Variants in FLI1 observed in about 807,000 individuals in gnomAD.
FLI1 encodes Friend leukemia integration 1 transcription factor.
Under a neutral mutation model 53.1 loss-of-function variants are expected in FLI1, and 13 were observed. The observed-to-expected ratio is 0.24, with a 90% CI of 0.16 to 0.39. The LOEUF (loss-of-function observed/expected upper bound fraction) is 0.39, where lower values mean the gene tolerates loss of function less well. Ranked by LOEUF, FLI1 falls within the 10% of genes least tolerant of loss-of-function variation. FLI1 has a pLI of 1.00. For synonymous variants in FLI1, 244 were observed against 236.7 expected, an observed-to-expected ratio of 1.03 and a Z score of -0.28; for missense variants, 424 against 600.5, an observed-to-expected ratio of 0.71 and a Z score of 3.07.
At chr11:128,799,924 T>A (rs368707257) in intron 5 of FLI1, among the ~76,000 whole-genome samples, 8 of 152,218 alleles carry the variant, frequency 5.3e-5, no homozygotes, top group African/African-American at 1.9e-4. Flanking sequence ...TTTTAGAGGA[T>A]CTCCTAGTCC....
chr11:128,802,202 T>C (rs2135909017), intron 5 of FLI1, among the ~76,000 whole-genome samples: 1 of 152,360 alleles, frequency 6.6e-6, no homozygotes, highest in East Asian at 1.9e-4. Context: ...CTTTAGTTCT[T>C]GGCCTTCTGC....
upstream of FLI1, among the ~76,000 whole-genome samples, chr11:128,691,474 A>C (rs1389827617): frequency 2.6e-5 from 4 of 152,130 alleles, no homozygotes; most frequent in African/African-American, 4.8e-5. Flanking sequence ...GTGAATGGAC[A>C]GGAGCTTCTC....
chr11:128,686,753 A>C (rs1591717739), intron 1 of FLI1: 7 of 287,436 alleles, frequency 2.4e-5, no homozygotes, highest in East Asian at 9.4e-5. Context: ...CTTCTACCCC[A>C]CCCGGGCCTA....
At chr11:128,698,296 A>C (rs577656200) in intron 1 of FLI1, among the ~76,000 whole-genome samples, 3 of 152,200 alleles carry the variant, frequency 2.0e-5, no homozygotes, top group Admixed American at 1.3e-4. Flanking sequence ...ACCTGGATTC[A>C]CAAGAACTCC....
chr11:128,749,295 C>T (rs941889009), intron 1 of FLI1, among the ~76,000 whole-genome samples: 2 of 152,164 alleles, frequency 1.3e-5, no homozygotes, highest in African/African-American at 4.8e-5. Context: ...GAAATTACCC[C>T]GAAACCTAGT....
At position 128,694,266 on chromosome 11, in the gene FLI1, G is replaced by C; in HGVS notation, c.8G>C (p.Gly3Ala). 7.1e-7 allele frequency: 1 copy of C among 1,417,052 alleles called. No individual in the cohort carries two copies. The highest frequency in any genetic ancestry group is 9.3e-7 in the Non-Finnish European group (1 of 1,076,972). The allele number at this position is 1,417,052 out of a possible 1,614,324, so 87.8% of individuals were successfully genotyped here. Residue 3 changes from glycine (G) to alanine (A), a missense_variant, in exon 1 of 9, where the codon GGG becomes GCG. Around this residue, in one of 5 missense-constraint regions of FLI1, gnomAD observed 137 missense variants for 169.1 expected, o/e 0.81. Transcript: ENST00000527786. The stretch of plus-strand genomic sequence containing the variant: ...GGCTGCAGACTTGGCCAAATGGACG[G>C]GACTATTAAGGTAAGCGGCGGGGCA... MD[G>A]TIKEALSVVS...
chr11:128,795,145 T>C (rs1405317999), intron 5 of FLI1, among the ~76,000 whole-genome samples: 1 of 152,226 alleles, frequency 6.6e-6, no homozygotes, highest in Non-Finnish European at 1.5e-5. Flanking sequence ...ATTTGGCATA[T>C]TCTAAAGAAA....
chr11:128,746,909 G>A (rs943947487), intron 1 of FLI1, among the ~76,000 whole-genome samples: 1 of 152,196 alleles, frequency 6.6e-6, no homozygotes, highest in African/African-American at 2.4e-5. Flanking sequence ...GGTGGCCAGT[G>A]CCTTTTGTTA....
At chr11:128,753,655 C>T (rs1396044426) in intron 1 of FLI1, among the ~76,000 whole-genome samples, 1 of 152,202 alleles carries the variant, frequency 6.6e-6, no homozygotes, top group Non-Finnish European at 1.5e-5. Flanking sequence ...AAGTAAAGAG[C>T]TTTATAAGAC....
intron 5 of FLI1, among the ~76,000 whole-genome samples, chr11:128,794,163 C>G (rs1019199425): frequency 2.6e-5 from 4 of 152,208 alleles, no homozygotes; most frequent in African/African-American, 9.7e-5. Flanking sequence ...ATGCAGTTGG[C>G]CTTGCTTGAT....
intron 1 of FLI1, among the ~76,000 whole-genome samples, chr11:128,710,431 G>C (rs1345583323): frequency 2.0e-5 from 3 of 152,068 alleles, no homozygotes; most frequent in African/African-American, 7.2e-5. Context: ...ACATTGAACT[G>C]CTCAAACACT....
At chr11:128,757,096 CTT>C (rs1565484398) in intron 1 of FLI1, among the ~76,000 whole-genome samples, 1,992 of 139,110 alleles carry the variant, frequency 0.014, 40 homozygotes, top group Admixed American at 0.04. Context: ...TTCTTTCTTT[CTT>C]TCTTTCTTTC....
chr11:128,761,079 C>T (rs1941099875), intron 2 of FLI1, among the ~76,000 whole-genome samples: 1 of 152,170 alleles, frequency 6.6e-6, no homozygotes, highest in African/African-American at 2.4e-5. Flanking sequence ...TAGTGTGGCC[C>T]CACCATCCCT....
At chr11:128,800,250 C>T (rs1321595353) in intron 5 of FLI1, among the ~76,000 whole-genome samples, 1 of 152,208 alleles carries the variant, frequency 6.6e-6, no homozygotes, top group African/African-American at 2.4e-5. Flanking sequence ...CAAGGATAAA[C>T]AGGGTTAGGT....
At position 128,698,734 on chromosome 11, in the gene FLI1, G is replaced by C. The variant is rs531699543; in HGVS notation, c.18+4458G>C. Among the ~76,000 whole-genome samples the C allele has an allele frequency of 1.7e-4, 8 of 48,276 alleles. No individual in the cohort carries two copies. The South Asian group carries it at 4.0e-3, about 24-fold the overall frequency. 31.7% of individuals were successfully genotyped at this position (48,276 alleles called of 152,430 possible). The stretch of plus-strand genomic sequence containing the variant: ...TGCGTGTGTGTGTGTGTGTGTGTGT[G>C]AGAGAGAGAGAGAGAGAGAGAAGTC... On this transcript the variant is annotated intron_variant, in intron 1 of 8. Coordinates refer to ENST00000527786, the MANE Select transcript of FLI1 (RefSeq NM_002017.5).
intron 1 of FLI1, among the ~76,000 whole-genome samples, chr11:128,739,793 C>T (rs1940058885): frequency 6.6e-6 from 1 of 152,158 alleles, no homozygotes. Flanking sequence ...TCCAGATCGA[C>T]AAGACAGACT....
At chr11:128,688,876 C>T (rs1937632001) in intron 1 of FLI1, among the ~76,000 whole-genome samples, 1 of 152,164 alleles carries the variant, frequency 6.6e-6, no homozygotes, top group African/African-American at 2.4e-5. Context: ...AGCGTTGTGT[C>T]TGTATTAGCT....
intron 1 of FLI1, among the ~76,000 whole-genome samples, chr11:128,719,189 A>G (rs1275885640): frequency 6.6e-6 from 1 of 151,666 alleles, no homozygotes; most frequent in Non-Finnish European, 1.5e-5. Context: ...GGCTTTGGAG[A>G]CAGGCAGGAC....
Position 128,811,617 on chromosome 11 carries a change from A to C in FLI1, c.*629A>C, listed in dbSNP as rs1565514015. The C allele has an allele frequency of 4.7e-6, 1 of 214,078 alleles. No homozygotes were observed. The highest frequency in any genetic ancestry group is 9.4e-6 in the Non-Finnish European group (1 of 105,918). The allele number at this position is 214,078 out of a possible 1,614,324, so 13.3% of individuals were successfully genotyped here. On this transcript the variant is annotated 3_prime_UTR_variant, in exon 9 of 9. Transcript: ENST00000527786. Reference sequence around the variant, plus strand: ...CACTCAGCTGACCACTCTCTCTAGAAATAGTCAAGATATGAACTAAGAAAT... The same window carrying C: ...CACTCAGCTGACCACTCTCTCTAGACATAGTCAAGATATGAACTAAGAAAT...
Sources: allele counts gnomAD v4.1 joint callset (sites outside exome capture counted in the v4.1 genomes callset), GRCh38; gene constraint gnomAD v4.1.1; regional missense constraint gnomAD v4.1.1; transcripts MANE v1.5; gene names NCBI Gene and HGNC (gene_info 2026-07-23, HGNC 2026-07-21).